Variants in TRIM69 observed in about 807,000 individuals in gnomAD.
TRIM69 encodes E3 ubiquitin-protein ligase TRIM69.
Under a neutral mutation model 37.7 loss-of-function variants are expected in TRIM69, and 29 were observed. The ratio of observed to expected loss-of-function variants is 0.77; its 90% CI spans 0.57 to 1.05. The LOEUF is 1.05. Ranked by LOEUF, TRIM69 falls within the 50% of genes least tolerant of loss-of-function variation. The pLI is 0.00. For synonymous variants in TRIM69, 209 were observed against 212.4 expected (o/e 0.98, Z 0.14); for missense variants, 596 against 579.9 (o/e 1.03, Z -0.28).
At chr15:44,751,790 T>C (rs1254529873) in intron 1 of TRIM69, among the ~76,000 whole-genome samples, 1 of 152,286 alleles carries the variant, frequency 6.6e-6, no homozygotes, top group Middle Eastern at 3.4e-3. Flanking sequence ...TTGTCACCCA[T>C]GCTGGAGTGT....
Position 44,756,252 on chromosome 15 carries a change from A to C in TRIM69, c.484-116A>C, listed in dbSNP as rs968554026. 7.8e-5 allele frequency: 51 copies of C among 657,794 alleles called. 1 individual carries two copies. In the East Asian group the frequency reaches 1.4e-3, roughly 18 times the overall value. 40.7% of individuals were successfully genotyped at this position (657,794 alleles called of 1,614,324 possible). On this transcript the variant is annotated intron_variant, in intron 2 of 6. Transcript: ENST00000329464. ...AGAACTATGATACAGGGGAAGGGGA[A>C]GATTTTTGCAGCAAGAGCTTGCTTT...
chr15:44,739,264 A>G (rs755447898), intron 1 of TRIM69, among the ~76,000 whole-genome samples: 8 of 152,266 alleles, frequency 5.3e-5, no homozygotes, highest in African/African-American at 7.2e-5. Flanking sequence ...ATGGCTGAAT[A>G]GGAACAGCTC....
intron 6 of TRIM69, among the ~76,000 whole-genome samples, chr15:44,766,790 C>G (rs755858566): frequency 8.6e-5 from 13 of 151,928 alleles, no homozygotes; most frequent in Non-Finnish European, 1.3e-4. Context: ...GGTGCGGTGG[C>G]TCATGCCTGT....
intron 6 of TRIM69, 37 bp from the exon 7 acceptor site, chr15:44,767,194 T>G (rs1398846284): frequency 1.3e-6 from 2 of 1,566,366 alleles, no homozygotes; most frequent in Non-Finnish European, 1.7e-6. Flanking sequence ...TTACCCCCCT[T>G]TCTCCCATGC....
chr15:44,752,101 A>G (rs2087546162), intron 1 of TRIM69, among the ~76,000 whole-genome samples: 1 of 152,120 alleles, frequency 6.6e-6, no homozygotes, highest in South Asian at 2.1e-4. Flanking sequence ...AATATTACTT[A>G]TAATTTCTTC....
At chr15:44,765,406 G>A (rs962045304) in intron 6 of TRIM69, among the ~76,000 whole-genome samples, 16 of 152,190 alleles carry the variant, frequency 1.1e-4, no homozygotes, top group African/African-American at 3.6e-4. Context: ...AGTGAATGGG[G>A]ATATGTAAGG....
intron 6 of TRIM69, among the ~76,000 whole-genome samples, chr15:44,763,975 G>C (rs543368324): frequency 6.6e-6 from 1 of 152,188 alleles, no homozygotes; most frequent in Admixed American, 6.5e-5. Context: ...GTGAGCTCCA[G>C]AAATTGTTCA....
chr15:44,737,636 G>T (rs2087189675), intron 1 of TRIM69, among the ~76,000 whole-genome samples: 1 of 152,164 alleles, frequency 6.6e-6, no homozygotes, highest in Non-Finnish European at 1.5e-5. Context: ...ACTCTGGGAA[G>T]CTCCAAGAAG....
chr15:44,745,120 A>C (rs952887952), intron 1 of TRIM69, among the ~76,000 whole-genome samples: 46 of 151,744 alleles, frequency 3.0e-4, no homozygotes, highest in Admixed American at 1.6e-3. Context: ...TCTCGGAGTG[A>C]CTTTTAGGAT....
At chr15:44,765,282 T>G (rs190367525) in intron 6 of TRIM69, among the ~76,000 whole-genome samples, 126 of 152,258 alleles carry the variant, frequency 8.3e-4, no homozygotes, top group African/African-American at 3.0e-3. Context: ...TAGCTAGAGA[T>G]GTGTCAGAGG....
intron 6 of TRIM69, among the ~76,000 whole-genome samples, chr15:44,762,526 C>T (rs1344787309): frequency 6.6e-6 from 1 of 151,972 alleles, no homozygotes; most frequent in East Asian, 1.9e-4. Context: ...GTCAAGTTGT[C>T]TCATGTCATC....
At position 44,743,644 on chromosome 15, in the gene TRIM69, G is replaced by T. The variant is rs560490425; in HGVS notation, c.6+6934G>T. ...AAAAAAACAACCCCATCAAAAAGTG[G>T]GCAAAGGACATGAACAGACACTTCT... is the stretch of plus-strand genomic sequence containing the variant. On this transcript the variant is annotated intron_variant, in intron 1 of 6. Coordinates refer to ENST00000329464, the MANE Select transcript of TRIM69 (RefSeq NM_182985.5). Among the ~76,000 whole-genome samples the T allele has an allele frequency of 2.0e-5, 3 of 152,154 alleles. No individual in the cohort carries two copies. The South Asian group carries it at 6.2e-4, about 32-fold the overall frequency.
At chr15:44,742,888 C>A (rs1415956683) in intron 1 of TRIM69, among the ~76,000 whole-genome samples, 1 of 151,200 alleles carries the variant, frequency 6.6e-6, no homozygotes, top group East Asian at 1.9e-4. Context: ...GGCCATACTG[C>A]CCAAGGTAAT....
At chr15:44,741,561 G>A (rs1242033117) in intron 1 of TRIM69, among the ~76,000 whole-genome samples, 1 of 152,188 alleles carries the variant, frequency 6.6e-6, no homozygotes, top group Non-Finnish European at 1.5e-5. Flanking sequence ...AAAATTGATA[G>A]ACTGCTAGCA....
At chr15:44,765,282 T>A (rs190367525) in intron 6 of TRIM69, among the ~76,000 whole-genome samples, 7 of 152,140 alleles carry the variant, frequency 4.6e-5, no homozygotes, top group African/African-American at 1.7e-4. Flanking sequence ...TAGCTAGAGA[T>A]GTGTCAGAGG....
At chr15:44,739,968 T>C (rs570247645) in intron 1 of TRIM69, among the ~76,000 whole-genome samples, 10 of 151,972 alleles carry the variant, frequency 6.6e-5, no homozygotes, top group Admixed American at 1.3e-4. Context: ...GCAGCCTAAC[T>C]GGGAGGCACC....
intron 6 of TRIM69, among the ~76,000 whole-genome samples, chr15:44,760,232 G>A (rs1238139917): frequency 6.6e-6 from 1 of 152,164 alleles, no homozygotes; most frequent in Admixed American, 6.5e-5. Context: ...CTCTTTTTAT[G>A]TACACTGGGT....
Position 44,758,834 on chromosome 15 carries a change from A to G in TRIM69, c.793A>G (p.Asn265Asp), listed in dbSNP as rs2087710418. The G allele has an allele frequency of 6.2e-7, 1 of 1,613,458 alleles. No homozygotes were observed. The highest frequency in any genetic ancestry group is 8.5e-7 in the Non-Finnish European group (1 of 1,179,736). ...VSIQAKTEQQNSFDFLKDITT... is the reference protein window; with the variant it reads ...VSIQAKTEQQDSFDFLKDITT... ...CATTCAGGCAAAGACGGAACAACAG[A>G]ACTCCTTCGACTTTCTCAAAGTGAG... Residue 265 changes from asparagine to aspartate, a missense_variant, in exon 4 of 7, where the codon AAC (asparagine) becomes GAC (aspartate). Physicochemically the swap from Asn to Asp is conservative, Grantham distance 23. Coordinates refer to ENST00000329464, the MANE Select transcript of TRIM69 (RefSeq NM_182985.5).
intron 6 of TRIM69, among the ~76,000 whole-genome samples, chr15:44,760,729 A>G (rs1179232252): frequency 6.6e-6 from 1 of 152,198 alleles, no homozygotes; most frequent in Admixed American, 6.5e-5. Flanking sequence ...TAATCAAAAT[A>G]TAGAAGATTT....
Sources: gnomAD v4.1 joint callset for allele counts (sites outside exome capture counted in the v4.1 genomes callset) on GRCh38, gnomAD v4.1.1 for gene constraint, MANE v1.5 for transcripts, NCBI Gene and HGNC (gene_info 2026-07-23, HGNC 2026-07-21) for gene names.